ST6GALNAC3: variants seen among roughly 807,000 people sequenced by gnomAD.
ST6GALNAC3 encodes the protein ST6 N-acetylgalactosaminide alpha-2,6-sialyltransferase 3, also known as alpha-N-acetylgalactosaminide alpha-2,6-sialyltransferase 3.
Under a neutral mutation model 32.7 loss-of-function variants are expected in ST6GALNAC3, and 25 were observed. That is an observed-to-expected ratio of 0.76 (90% CI 0.56 to 1.07). ST6GALNAC3 has a LOEUF of 1.07. Among genes scored for constraint, ST6GALNAC3 ranks in the 50% least tolerant of loss-of-function variants. The probability of loss-of-function intolerance (pLI) is 0.00; values close to 1 mark genes in which losing one functional copy is unlikely to be tolerated. For synonymous variants in ST6GALNAC3, 129 were observed against 133.1 expected, an observed-to-expected ratio of 0.97 and a Z score of 0.21; for missense variants, 355 against 382.4, an observed-to-expected ratio of 0.93 and a Z score of 0.60.
intron 1 of ST6GALNAC3, among the ~76,000 whole-genome samples, chr1:76,189,484 C>A (rs971318199): frequency 6.6e-6 from 1 of 152,148 alleles, no homozygotes; most frequent in Non-Finnish European, 1.5e-5. Context: ...TGGATGTACT[C>A]AAGTTCATTA....
At chr1:76,301,714 A>T (rs1660735555) in intron 1 of ST6GALNAC3, among the ~76,000 whole-genome samples, 1 of 152,000 alleles carries the variant, frequency 6.6e-6, no homozygotes, top group African/African-American at 2.4e-5. Context: ...TTTGACCTAT[A>T]AGAGGACAGT....
intron 3 of ST6GALNAC3, among the ~76,000 whole-genome samples, chr1:76,470,277 A>C (rs1335090887): frequency 6.6e-6 from 1 of 152,070 alleles, no homozygotes; most frequent in African/African-American, 2.4e-5. Context: ...TGATAGAAAC[A>C]TAGATCATAA....
intron 1 of ST6GALNAC3, among the ~76,000 whole-genome samples, chr1:76,110,858 G>A (rs1647880799): frequency 6.6e-6 from 1 of 152,236 alleles, no homozygotes; most frequent in South Asian, 2.1e-4. Flanking sequence ...GTGAAACACT[G>A]AAGACATTAG....
At chr1:76,470,947 A>G (rs774605266) in intron 3 of ST6GALNAC3, among the ~76,000 whole-genome samples, 2 of 152,074 alleles carry the variant, frequency 1.3e-5, no homozygotes, top group African/African-American at 4.8e-5. Context: ...TGATACAAAG[A>G]CAAACATGAC....
chr1:76,504,485 G>A (rs1049054130), intron 3 of ST6GALNAC3, among the ~76,000 whole-genome samples: 1 of 152,066 alleles, frequency 6.6e-6, no homozygotes, highest in African/African-American at 2.4e-5. Flanking sequence ...TATTGAATAA[G>A]TATCTGGGGA....
At chr1:76,389,128 A>G (rs943835847) in intron 2 of ST6GALNAC3, among the ~76,000 whole-genome samples, 3 of 150,568 alleles carry the variant, frequency 2.0e-5, no homozygotes, top group Admixed American at 1.3e-4. Context: ...GATTTACCCT[A>G]AGCTTGATTG....
chr1:76,512,004 C>T (rs1339983919), intron 3 of ST6GALNAC3, among the ~76,000 whole-genome samples: 1 of 152,078 alleles, frequency 6.6e-6, no homozygotes, highest in African/African-American at 2.4e-5. Flanking sequence ...TGTGTCATGG[C>T]GATCTGAGAA....
At chr1:76,174,566 T>C (rs1652727629) in intron 1 of ST6GALNAC3, among the ~76,000 whole-genome samples, 1 of 151,890 alleles carries the variant, frequency 6.6e-6, no homozygotes, top group East Asian at 1.9e-4. Context: ...TACCTATCTA[T>C]CTGCTTTCTA....
intron 3 of ST6GALNAC3, among the ~76,000 whole-genome samples, chr1:76,476,064 G>A (rs1482986779): frequency 2.0e-5 from 3 of 152,186 alleles, no homozygotes; most frequent in African/African-American, 7.2e-5. Flanking sequence ...ATTTCATGGT[G>A]TATATGTGCC....
At chr1:76,168,535 T>C (rs1323062325) in intron 1 of ST6GALNAC3, among the ~76,000 whole-genome samples, 1 of 152,220 alleles carries the variant, frequency 6.6e-6, no homozygotes, top group Non-Finnish European at 1.5e-5. Flanking sequence ...TAATTTTCTC[T>C]CTCACTGGTC....
intron 3 of ST6GALNAC3, among the ~76,000 whole-genome samples, chr1:76,602,882 TAAAG>T (rs1242475100): frequency 6.6e-6 from 1 of 151,120 alleles, no homozygotes; most frequent in Non-Finnish European, 1.5e-5. Flanking sequence ...AAAAAAAAAT[TAAAG>T]AAAAGACAAA....
chr1:76,456,530 T>G (rs1657815166), intron 3 of ST6GALNAC3, among the ~76,000 whole-genome samples: 1 of 152,056 alleles, frequency 6.6e-6, no homozygotes, highest in African/African-American at 2.4e-5. Context: ...CTTTTAAGTT[T>G]TATATAATCT....
chr1:76,458,686 G>A, intron 3 of ST6GALNAC3, among the ~76,000 whole-genome samples: 1 of 144,070 alleles, frequency 6.9e-6, no homozygotes, highest in African/African-American at 2.6e-5. Flanking sequence ...ATTGAACAAT[G>A]AGAACACATG....
chr1:76,242,643 C>A (rs1657034750), intron 1 of ST6GALNAC3, among the ~76,000 whole-genome samples: 1 of 152,054 alleles, frequency 6.6e-6, no homozygotes. Flanking sequence ...GTGTGATGTT[C>A]CCCTCCCTGT....
chr1:76,196,485 G>A (rs1428463167), intron 1 of ST6GALNAC3, among the ~76,000 whole-genome samples: 2 of 147,902 alleles, frequency 1.4e-5, no homozygotes, highest in African/African-American at 2.5e-5. Flanking sequence ...TTTTTTTTGA[G>A]ACGGAGTTTC....
chr1:76,373,004 C>T (rs1289616912), intron 2 of ST6GALNAC3, among the ~76,000 whole-genome samples: 2 of 151,914 alleles, frequency 1.3e-5, no homozygotes, highest in Non-Finnish European at 2.9e-5. Context: ...GCTATGTTGG[C>T]CAGGCTGGTC....
intron 1 of ST6GALNAC3, among the ~76,000 whole-genome samples, chr1:76,251,125 A>G (rs1038936998): frequency 6.6e-6 from 1 of 151,992 alleles, no homozygotes; most frequent in African/African-American, 2.4e-5. Flanking sequence ...ACCTTCAACA[A>G]TGTATTCTCC....
At chr1:76,341,476 A>T (rs1022228926) in intron 2 of ST6GALNAC3, among the ~76,000 whole-genome samples, 1 of 151,942 alleles carries the variant, frequency 6.6e-6, no homozygotes, top group Non-Finnish European at 1.5e-5. Context: ...ACCTGGGTGG[A>T]TTCCATGTCT....
intron 2 of ST6GALNAC3, among the ~76,000 whole-genome samples, chr1:76,343,209 T>C (rs1025790041): frequency 1.3e-5 from 2 of 152,190 alleles, no homozygotes; most frequent in Admixed American, 6.5e-5. Context: ...ATTTTTTTGA[T>C]AAAATAAATG....
Sources: gnomAD v4.1 joint callset for allele counts (sites outside exome capture counted in the v4.1 genomes callset) on GRCh38, gnomAD v4.1.1 for gene constraint, MANE v1.5 for transcripts, NCBI Gene and HGNC (gene_info 2026-07-23, HGNC 2026-07-21) for gene names.